EVPL: variants seen among roughly 807,000 people sequenced by gnomAD.
EVPL encodes 210 kDa cornified envelope precursor protein.
EVPL carries 94 observed loss-of-function variants against 129.7 expected under a neutral mutation model. The observed-to-expected ratio is 0.72, with a 90% CI of 0.61 to 0.86. The LOEUF (loss-of-function observed/expected upper bound fraction) is 0.86, where lower values mean the gene tolerates loss of function less well. Among genes scored for constraint, EVPL ranks in the 40% least tolerant of loss-of-function variants. EVPL has a pLI of 0.00. For synonymous variants in EVPL, 1,172 were observed against 1,191.1 expected (o/e 0.98, Z 0.33); for missense variants, 2,625 against 2,721.1 (o/e 0.96, Z 0.79).
At chr17:76,027,058 C>T (rs1177082288) in intron 1 of EVPL, 43 bp downstream of exon 1, 3 of 1,196,822 alleles carry the variant, frequency 2.5e-6, no homozygotes, top group Non-Finnish European at 3.5e-6. Context: ...TGGCACCACC[C>T]CCACCCCAGT....
chr17:76,017,923 G>A lies in EVPL; in HGVS notation c.1538-12C>T. The stretch of plus-strand genomic sequence containing the variant: ...TGAGCCAGATGGAGCTGGGGGCAGA[G>A]GTGCTGGTGAGGGCCCAGGGCCTAT... On this transcript the variant is annotated splice_polypyrimidine_tract_variant and intron_variant, in intron 13 of 21. Transcript: ENST00000301607. 1 of 1,613,686 alleles carries A rather than the reference G, an allele frequency of 6.2e-7. No homozygotes were observed. Among genetic ancestry groups the A allele is most frequent in the South Asian group, 1.1e-5 (1 of 91,060 alleles).
chr17:76,015,781 C>T (rs552874512), intron 14 of EVPL, among the ~76,000 whole-genome samples, 153 bp from the exon 15 acceptor site: 6 of 152,332 alleles, frequency 3.9e-5, no homozygotes, highest in Admixed American at 2.0e-4. Context: ...CCTGGCGCTA[C>T]TCGTTCCTCT....
Position 76,007,084 on chromosome 17 carries a change from A to G in EVPL, c.*19T>C. 6.9e-7 allele frequency: 1 copy of G among 1,443,622 alleles called. No individual in the cohort carries two copies. 89.4% of individuals were successfully genotyped at this position (1,443,622 alleles called of 1,614,324 possible). On this transcript the variant is annotated 3_prime_UTR_variant, in exon 22 of 22. Coordinates refer to ENST00000301607, the MANE Select transcript of EVPL (RefSeq NM_001988.4). The surrounding 1 kb of genome is among the most constrained non-coding windows in gnomAD (Gnocchi z 8.8). ...CCTGGCCCAACACACGCACTTCCCC[A>G]CTGGCTCCTTGGCCCGTGTCAGCGA...
intron 21 of EVPL, among the ~76,000 whole-genome samples, chr17:76,011,174 CAG>C (rs2066373991): frequency 6.6e-6 from 1 of 152,256 alleles, no homozygotes; most frequent in African/African-American, 2.4e-5. Context: ...CCGAGGGTAA[CAG>C]AAAAGCTGGC....
chr17:76,012,070 T>C lies in EVPL; in HGVS notation c.2393A>G (p.Gln798Arg), dbSNP rs1426889698. Residue 798 changes from glutamine (Q) to arginine (R), a missense_variant, in exon 19 of 22, where the codon CAG becomes CGG. By Grantham distance (43) the Gln-to-Arg change is conservative (BLOSUM62 1). Transcript: ENST00000301607. ...TGTGGCCCTGTCCCGCTCTCGGCTCTGGATCTCCTGCGTCAGCCTCTGCCA... is the reference window on the plus strand; with the variant it reads ...TGTGGCCCTGTCCCGCTCTCGGCTCCGGATCTCCTGCGTCAGCCTCTGCCA... ...QAQKRLTQEI[Q>R]SRERDRATAS... 6.2e-7 allele frequency: 1 copy of C among 1,611,164 alleles called. No homozygotes were observed. Among genetic ancestry groups the C allele is most frequent in the African/African-American group, 1.3e-5 (1 of 74,846 alleles).
rs1399342132 is a variant in EVPL, at chr17:76,024,580, C to T, written c.99-460G>A. Among the ~76,000 whole-genome samples, 1 of 152,100 alleles carries T rather than the reference C, an allele frequency of 6.6e-6. No homozygotes were observed. Among genetic ancestry groups the T allele is most frequent in the Admixed American group, 6.5e-5 (1 of 15,278 alleles). Reference sequence around the variant, plus strand: ...CCATCCCCACCTCCTCGCACTCCAGCCCTGTGTTCCCCTATACCTCCTCCA... The same window carrying T: ...CCATCCCCACCTCCTCGCACTCCAGTCCTGTGTTCCCCTATACCTCCTCCA... On this transcript the variant is annotated intron_variant, in intron 1 of 21. Coordinates refer to ENST00000301607, the MANE Select transcript of EVPL (RefSeq NM_001988.4). This position sits in a 1 kb window ranked among gnomAD's most constrained non-coding sequence, Gnocchi z 4.5.
Position 76,008,345 on chromosome 17 carries a change from G to A in EVPL, c.4860C>T (p.Leu1620=). 1.2e-6 allele frequency: 2 copies of A among 1,604,096 alleles called. No homozygotes were observed. Among genetic ancestry groups the A allele is most frequent in the Non-Finnish European group, 1.7e-6 (2 of 1,179,594 alleles). ...TLQLQEESKL[L]SQKTESERQK... is the part of the protein sequence containing the mutation. ...GTCGCTCGCTCTCCGTCTTCTGGCT[G>A]AGCAGCTTCGACTCCTCCTGCAGCT... Residue 1620 remains leucine, a synonymous_variant, in exon 22 of 22, where the codon CTC becomes CTT. Transcript: ENST00000301607. The surrounding 1 kb of genome is among the most constrained non-coding windows in gnomAD (Gnocchi z 7.4).
At position 76,018,201 on chromosome 17, in the gene EVPL, C is replaced by T. The variant is rs2066431715; in HGVS notation, c.1497G>A (p.Leu499=). 3.2e-6 allele frequency: 5 copies of T among 1,551,054 alleles called. No individual in the cohort carries two copies. The highest frequency in any genetic ancestry group is 2.7e-5 in the African/African-American group (2 of 73,056). The change falls in exon 13 of 22, where the codon CTG becomes CTA. Residue 499 remains leucine (L), a synonymous_variant. Coordinates refer to ENST00000301607, the MANE Select transcript of EVPL (RefSeq NM_001988.4). ...KQKLATVQSR[L]KASAVESLRP... ...GAAGAGACTCCACAGCACTGGCCTT[C>T]AGGCGGCTCTGGACTGTGGCCAATT...
At position 76,011,486 on chromosome 17, in the gene EVPL, C is replaced by T. The variant is rs2066375869; in HGVS notation, c.2661+90G>A. ...GAGGGAGAGGAGGGAAGGAGACTAC[C>T]AGGGTGACAGCCTGGCATTTTGGGA... On this transcript the variant is annotated intron_variant, in intron 21 of 21. Transcript: ENST00000301607. 4 of 1,156,936 alleles carry T rather than the reference C, an allele frequency of 3.5e-6. No individual in the cohort carries two copies. In the African/African-American group the frequency reaches 6.0e-5, roughly 17 times the overall value. 71.7% of individuals were successfully genotyped at this position (1,156,936 alleles called of 1,614,324 possible). A position where few individuals can be genotyped will look rare whatever the true frequency, so the allele number is the denominator to read the frequency against.
At position 76,009,817 on chromosome 17, in the gene EVPL, C is replaced by T. The variant is rs761466929; in HGVS notation, c.3388G>A (p.Val1130Met). The change falls in exon 22 of 22, where the codon GTG (valine) becomes ATG (methionine). Residue 1130 changes from valine (V) to methionine (M), a missense_variant. By Grantham distance (21) the Val-to-Met change is conservative. Transcript: ENST00000301607. This position sits in a 1 kb window ranked among gnomAD's most constrained non-coding sequence, Gnocchi z 5.9. ...IEDLERAISS[V>M]EPKVIVKEVK... Reference sequence around the variant, plus strand: ...TCCTTCACGATGACCTTGGGCTCCACCGAGCTGATAGCCCGCTCCAGGTCT... The same window carrying T: ...TCCTTCACGATGACCTTGGGCTCCATCGAGCTGATAGCCCGCTCCAGGTCT... 6.2e-7 allele frequency: 1 copy of T among 1,614,036 alleles called. No homozygotes were observed. The highest frequency in any genetic ancestry group is 1.1e-5 in the South Asian group (1 of 91,084).
At chr17:76,018,660 G>T (rs2066435912) in intron 11 of EVPL, 60 bp from the exon 12 acceptor site, 1 of 1,526,058 alleles carries the variant, frequency 6.6e-7, no homozygotes, top group African/African-American at 1.4e-5. Context: ...CAAGGCCAGG[G>T]CAGAGTAGGG....
At position 76,012,080 on chromosome 17, in the gene EVPL, G is replaced by T; in HGVS notation, c.2383C>A (p.Gln795Lys). ...TCCCGCTCTCGGCTCTGGATCTCCT[G>T]CGTCAGCCTCTGCCAGGGAAGAACC... Reference protein sequence around the residue: ...YKLQAQKRLTQEIQSRERDRA... With the variant: ...YKLQAQKRLTKEIQSRERDRA... Residue 795 changes from glutamine (Q) to lysine (K), a missense_variant, in exon 19 of 22, where the codon CAG becomes AAG. Physicochemically the swap from Gln to Lys is moderately conservative, Grantham distance 53. This residue lies in a region of EVPL where 1,024 missense variants were observed against 997.5 expected (regional missense o/e 1.03). Transcript: ENST00000301607. 6.2e-7 allele frequency: 1 copy of T among 1,610,400 alleles called. No homozygotes were observed. The highest frequency in any genetic ancestry group is 1.1e-5 in the South Asian group (1 of 90,474).
At chr17:76,016,019 C>A (rs533444837) in intron 14 of EVPL, among the ~76,000 whole-genome samples, 2 of 152,324 alleles carry the variant, frequency 1.3e-5, no homozygotes, top group Admixed American at 6.5e-5. Flanking sequence ...CAGCGCGCAC[C>A]TGCAATCCCA....
rs146567357 is a variant in EVPL at position 76,007,764 on chromosome 17, G to A, written c.5441C>T (p.Pro1814Leu). The change falls in exon 22 of 22, where the codon CCC (proline) becomes CTC (leucine). Residue 1814 changes from proline (P) to leucine (L), a missense_variant. This residue lies in a region of EVPL where 1,453 missense variants were observed against 1,511.8 expected (regional missense o/e 0.96). Transcript: ENST00000301607. This position sits in a 1 kb window ranked among gnomAD's most constrained non-coding sequence, Gnocchi z 8.8. Reference sequence around the variant, plus strand: ...ATCACCGAGCCCGAGAGAGAAGCTGGGAGAGAAGAAACTGGTGCTCTGGGG... The same window carrying A: ...ATCACCGAGCCCGAGAGAGAAGCTGAGAGAGAAGAAACTGGTGCTCTGGGG... ...PAPQSTSFFSPSFSLGLGDDS... is the reference protein window; with the variant it reads ...PAPQSTSFFSLSFSLGLGDDS... 117 of 1,612,656 alleles carry A rather than the reference G, an allele frequency of 7.3e-5. 2 individuals carry two copies. In the Middle Eastern group the frequency reaches 1.2e-3, roughly 16 times the overall value.
In EVPL at chr17:76,011,675, A is replaced by C; in HGVS notation, c.2569-7T>G. 1 of 1,613,878 alleles carries C rather than the reference A, an allele frequency of 6.2e-7. No individual in the cohort carries two copies. The highest frequency in any genetic ancestry group is 8.5e-7 in the Non-Finnish European group (1 of 1,179,856). ...CCTTTGCAAGGTTCTTCTCCTGGAG[A>C]AGGCAGAGGGAGAGGGGAAGGGCAG... On this transcript the variant is annotated splice_region_variant and splice_polypyrimidine_tract_variant and intron_variant, in intron 20 of 21. Coordinates refer to ENST00000301607, the MANE Select transcript of EVPL (RefSeq NM_001988.4).
chr17:76,007,712 A>G lies in EVPL; in HGVS notation c.5493T>C (p.Tyr1831=). The change falls in exon 22 of 22, where the codon TAT becomes TAC. Residue 1831 remains tyrosine, a synonymous_variant. Transcript: ENST00000301607. The surrounding 1 kb of genome is among the most constrained non-coding windows in gnomAD (Gnocchi z 8.8). Reference sequence around the variant, plus strand: ...TGCACTTGTTGTCTGTGGTTGTGTCATAGATCCCGGCGATAGGGAAGCTGT... The same window carrying G: ...TGCACTTGTTGTCTGTGGTTGTGTCGTAGATCCCGGCGATAGGGAAGCTGT... ...GDDSFPIAGI[Y]DTTTDNKCSI... is the part of the protein sequence containing the mutation. The G allele has an allele frequency of 1.2e-6, 2 of 1,613,278 alleles. No individual in the cohort carries two copies. Among genetic ancestry groups the G allele is most frequent in the Non-Finnish European group, 1.7e-6 (2 of 1,179,398 alleles).
At position 76,009,450 on chromosome 17, in the gene EVPL, T is replaced by C. The variant is rs749155048; in HGVS notation, c.3755A>G (p.Glu1252Gly). The change falls in exon 22 of 22, where the codon GAG (glutamate) becomes GGG (glycine). Residue 1252 changes from glutamate (E) to glycine (G), a missense_variant. Physicochemically the swap from Glu to Gly is moderately conservative, Grantham distance 98 (BLOSUM62 -2). Around this residue, in one of 4 missense-constraint regions of EVPL, gnomAD observed 1,453 missense variants for 1,511.8 expected, o/e 0.96. Coordinates refer to ENST00000301607, the MANE Select transcript of EVPL (RefSeq NM_001988.4). This position sits in a 1 kb window ranked among gnomAD's most constrained non-coding sequence, Gnocchi z 5.9. ...ATGCCTCACCACCTCCTGGGTCACCTCCTTGTACTCCACCGTGGGCTTCTG... is the reference window on the plus strand; with the variant it reads ...ATGCCTCACCACCTCCTGGGTCACCCCCTTGTACTCCACCGTGGGCTTCTG... ...RAQKPTVEYKEVTQEVVRHER... is the reference protein window; with the variant it reads ...RAQKPTVEYKGVTQEVVRHER... The C allele has an allele frequency of 6.2e-7, 1 of 1,614,006 alleles. No individual in the cohort carries two copies. Among genetic ancestry groups the C allele is most frequent in the Non-Finnish European group, 8.5e-7 (1 of 1,180,004 alleles).
chr17:76,023,550 C>T lies in EVPL; in HGVS notation c.303G>A (p.Val101=), dbSNP rs1166462940. 6.2e-6 allele frequency: 10 copies of T among 1,613,242 alleles called. No individual in the cohort carries two copies. The highest frequency in any genetic ancestry group is 8.5e-6 in the Non-Finnish European group (10 of 1,179,968). The change falls in exon 3 of 22, where the codon GTG becomes GTA. Residue 101 remains valine, a synonymous_variant. Transcript: ENST00000301607. ...GGTGCTTGAGCCGCCGGGCCTTGTC[C>T]ACGTCCAGGAAGAGGTCCTTGAGCA... ...EVLLKDLFLD[V]DKARRLKHPQ...
intron 1 of EVPL, among the ~76,000 whole-genome samples, chr17:76,026,793 T>A (rs1331717749): frequency 6.6e-6 from 1 of 152,202 alleles, no homozygotes; most frequent in Non-Finnish European, 1.5e-5. Flanking sequence ...AGGGCCTCCG[T>A]GCAGGCTCCT....
Sources: gnomAD v4.1 joint callset for allele counts (sites outside exome capture counted in the v4.1 genomes callset) on GRCh38, gnomAD v4.1.1 for gene constraint, gnomAD v4.1.1 regional missense constraint, Gnocchi (gnomAD v3.1) non-coding constraint, MANE v1.5 for transcripts, NCBI Gene and HGNC (gene_info 2026-07-23, HGNC 2026-07-21) for gene names.